ST8SIA6: variants seen among roughly 807,000 people sequenced by gnomAD.
The protein encoded by ST8SIA6 is alpha-2,8-sialyltransferase 8F.
Under a neutral mutation model 33.6 loss-of-function variants are expected in ST8SIA6, and 39 were observed. The ratio of observed to expected loss-of-function variants is 1.16; its 90% CI spans 0.90 to 1.52. The LOEUF is 1.52. Among genes scored for constraint, ST8SIA6 ranks in the 40% most tolerant of loss-of-function variants. ST8SIA6 has a pLI of 0.00. For synonymous variants in ST8SIA6, 172 were observed against 167.2 expected, an observed-to-expected ratio of 1.03 and a Z score of -0.22; for missense variants, 441 against 443.8, an observed-to-expected ratio of 0.99 and a Z score of 0.06.
intron 2 of ST8SIA6, among the ~76,000 whole-genome samples, chr10:17,443,837 A>G (rs1051774845): frequency 2.0e-5 from 3 of 152,202 alleles, no homozygotes; most frequent in African/African-American, 7.2e-5. Context: ...TCTCATGTTT[A>G]CCAAACCATC....
At chr10:17,438,131 G>T (rs1036693466) in intron 2 of ST8SIA6, among the ~76,000 whole-genome samples, 2 of 152,068 alleles carry the variant, frequency 1.3e-5, no homozygotes, top group African/African-American at 4.8e-5. Context: ...TTTTATTTGG[G>T]AATTGGTTAT....
At chr10:17,385,513 T>C (rs895210628) in intron 3 of ST8SIA6, among the ~76,000 whole-genome samples, 6 of 151,372 alleles carry the variant, frequency 4.0e-5, no homozygotes, top group Non-Finnish European at 7.4e-5. Flanking sequence ...GGCAGTTTTA[T>C]AGGATTTAGG....
chr10:17,368,134 G>A (rs1257833359), intron 3 of ST8SIA6, among the ~76,000 whole-genome samples: 4 of 148,396 alleles, frequency 2.7e-5, no homozygotes, highest in African/African-American at 5.0e-5. Context: ...AGTGGCTCAC[G>A]CCTATAATCC....
intron 3 of ST8SIA6, among the ~76,000 whole-genome samples, chr10:17,381,365 C>A (rs1204616988): frequency 2.6e-5 from 4 of 152,030 alleles, no homozygotes; most frequent in African/African-American, 9.7e-5. Context: ...GGTTATAAAT[C>A]TATAAAATGT....
chr10:17,338,438 A>G (rs906509777), intron 4 of ST8SIA6, among the ~76,000 whole-genome samples: 1 of 152,188 alleles, frequency 6.6e-6, no homozygotes, highest in Non-Finnish European at 1.5e-5. Context: ...TTTGACATCC[A>G]CTTTTCTACA....
intron 2 of ST8SIA6, among the ~76,000 whole-genome samples, chr10:17,440,341 G>T (rs1372817877): frequency 6.6e-6 from 1 of 151,758 alleles, no homozygotes; most frequent in Non-Finnish European, 1.5e-5. Flanking sequence ...AAGTAGCTGG[G>T]ATTACAGGCG....
At chr10:17,437,650 C>T (rs558250313) in intron 2 of ST8SIA6, among the ~76,000 whole-genome samples, 1 of 138,408 alleles carries the variant, frequency 7.2e-6, no homozygotes, top group South Asian at 2.6e-4. Flanking sequence ...TCCTTCCTTC[C>T]TTCCTTCCTT....
At chr10:17,445,869 A>ACGTACCATTCCTGGCAGCAG (rs1379413704) in intron 2 of ST8SIA6, among the ~76,000 whole-genome samples, 35 of 152,298 alleles carry the variant, frequency 2.3e-4, no homozygotes, top group African/African-American at 6.7e-4. Flanking sequence ...GACATTTGTC[A>ACGTACCATTCCTGGCAGCAG]CGTACCATTC....
intron 2 of ST8SIA6, among the ~76,000 whole-genome samples, chr10:17,440,855 T>A (rs1332474158): frequency 1.3e-5 from 2 of 152,222 alleles, no homozygotes; most frequent in Non-Finnish European, 2.9e-5. Flanking sequence ...TCCCTAATGA[T>A]TAATGATGTA....
chr10:17,388,741 G>A (rs183288651), intron 3 of ST8SIA6, among the ~76,000 whole-genome samples: 1 of 152,256 alleles, frequency 6.6e-6, no homozygotes, highest in South Asian at 2.1e-4. Flanking sequence ...GTTTATTCCT[G>A]GGTGTAGGCC....
intron 2 of ST8SIA6, among the ~76,000 whole-genome samples, chr10:17,445,209 A>C (rs1268705087): frequency 1.3e-5 from 2 of 152,244 alleles, no homozygotes; most frequent in African/African-American, 4.8e-5. Flanking sequence ...ATATACAACA[A>C]AAAATGTCAA....
At chr10:17,450,518 G>A (rs1457416971) in intron 2 of ST8SIA6, among the ~76,000 whole-genome samples, 2 of 152,126 alleles carry the variant, frequency 1.3e-5, no homozygotes, top group African/African-American at 2.4e-5. Context: ...TTGGCTCACT[G>A]CAACCTCCCC....
rs1848297005 is a variant in ST8SIA6 at position 17,331,486 on chromosome 10, A to T, written c.444T>A (p.Val148=). Residue 148 remains valine (V), a synonymous_variant, in exon 5 of 8, where the codon GTT becomes GTA. Transcript: ENST00000377602. The part of the protein sequence containing the change: ...NFVVSQNNTP[V]GTNMSYEVES... Reference sequence around the variant, plus strand: ...CCACCTCGTAACTCATATTAGTCCCAACTGGAGTGTTATTCTGAGAAACAA... The same window carrying T: ...CCACCTCGTAACTCATATTAGTCCCTACTGGAGTGTTATTCTGAGAAACAA... The T allele has an allele frequency of 6.2e-7, 1 of 1,613,592 alleles. No homozygotes were observed. Among genetic ancestry groups the T allele is most frequent in the African/African-American group, 1.3e-5 (1 of 74,870 alleles).
At chr10:17,366,609 G>A (rs919224440) in intron 3 of ST8SIA6, among the ~76,000 whole-genome samples, 5 of 152,074 alleles carry the variant, frequency 3.3e-5, no homozygotes, top group South Asian at 2.1e-4. Context: ...GGGATGTGAC[G>A]TAGCAAAAGC....
intron 4 of ST8SIA6, among the ~76,000 whole-genome samples, chr10:17,338,795 A>G (rs572637545): frequency 6.6e-6 from 1 of 152,308 alleles, no homozygotes; most frequent in Non-Finnish European, 1.5e-5. Context: ...GCTGCGTTCT[A>G]CCTTCAGCAA....
chr10:17,420,502 G>C (rs530545068), intron 2 of ST8SIA6, among the ~76,000 whole-genome samples: 2 of 152,340 alleles, frequency 1.3e-5, no homozygotes, highest in East Asian at 3.9e-4. Flanking sequence ...TGCATTACAT[G>C]TGATCATACC....
chr10:17,348,161 G>A (rs1007706827), intron 4 of ST8SIA6, among the ~76,000 whole-genome samples: 2 of 150,308 alleles, frequency 1.3e-5, no homozygotes, highest in African/African-American at 2.4e-5. Flanking sequence ...TTTCGTTGAC[G>A]GATTATAAAC....
At chr10:17,325,254 A>G (rs1253380051) in intron 6 of ST8SIA6, among the ~76,000 whole-genome samples, 1 of 143,982 alleles carries the variant, frequency 6.9e-6, no homozygotes, top group Non-Finnish European at 1.5e-5. Flanking sequence ...ACAATATACT[A>G]TATTATATAC....
Position 17,319,858 on chromosome 10 carries a change from A to G in ST8SIA6, c.*1020T>C, listed in dbSNP as rs1221864117. 1 of 152,188 alleles carries G rather than the reference A, an allele frequency of 6.6e-6. No individual in the cohort carries two copies. The highest frequency in any genetic ancestry group is 2.4e-5 in the African/African-American group (1 of 41,454). The allele number at this position is 152,188 out of a possible 1,614,324, so 9.4% of individuals were successfully genotyped here. Reference sequence around the variant, plus strand: ...ACAGGGGGTCTTCCCATATCTGCAGATTAGGGGAGACTATTGTACATTGAA... The same window carrying G: ...ACAGGGGGTCTTCCCATATCTGCAGGTTAGGGGAGACTATTGTACATTGAA... On this transcript the variant is annotated 3_prime_UTR_variant, in exon 8 of 8. Transcript: ENST00000377602.
Sources: gnomAD v4.1 joint callset for allele counts (sites outside exome capture counted in the v4.1 genomes callset) on GRCh38, gnomAD v4.1.1 for gene constraint, MANE v1.5 for transcripts, NCBI Gene and HGNC (gene_info 2026-07-23, HGNC 2026-07-21) for gene names.